The following CREBBP variants were observed in gnomAD, a reference collection of about 807,000 sequenced individuals.
The protein encoded by CREBBP is CREB-binding protein.
In CREBBP, 19 loss-of-function variants were observed where a neutral mutation model predicts 265.0. The ratio of observed to expected loss-of-function variants is 0.07; its 90% CI spans 0.05 to 0.11. The LOEUF (loss-of-function observed/expected upper bound fraction) is 0.11, where lower values mean the gene tolerates loss of function less well. Ranked by LOEUF, CREBBP falls within the 10% of genes least tolerant of loss-of-function variation. The pLI, the probability that CREBBP is intolerant of heterozygous loss-of-function variation, is 1.00. For synonymous variants in CREBBP, 1,457 were observed against 1,223.7 expected (o/e 1.19, Z -3.98); for missense variants, 2,525 against 3,219.0 (o/e 0.78, Z 5.22).
chr16:3,860,274 C>T (rs2055047170), intron 1 of CREBBP, among the ~76,000 whole-genome samples: 1 of 152,202 alleles, frequency 6.6e-6, no homozygotes, highest in African/African-American at 2.4e-5. Flanking sequence ...TCAAATGCTT[C>T]TATTAAATCT....
intron 2 of CREBBP, among the ~76,000 whole-genome samples, chr16:3,843,331 A>G (rs901371479): frequency 6.6e-6 from 1 of 152,246 alleles, no homozygotes; most frequent in East Asian, 1.9e-4. Flanking sequence ...GCAAATTTAG[A>G]CTTTACTAAA....
chr16:3,823,476 C>G (rs1238057869), intron 2 of CREBBP, among the ~76,000 whole-genome samples: 3 of 152,122 alleles, frequency 2.0e-5, no homozygotes, highest in Non-Finnish European at 4.4e-5. Context: ...GAAGACATTT[C>G]AAGGAGCCTC....
intron 3 of CREBBP, among the ~76,000 whole-genome samples, chr16:3,808,505 C>G (rs1321682312): frequency 6.6e-6 from 1 of 152,244 alleles, no homozygotes; most frequent in Non-Finnish European, 1.5e-5. Flanking sequence ...GACCAAACGG[C>G]TCCAGCCCTG....
chr16:3,752,099 C>T (rs2052487394), intron 19 of CREBBP, among the ~76,000 whole-genome samples: 1 of 152,166 alleles, frequency 6.6e-6, no homozygotes, highest in African/African-American at 2.4e-5. Flanking sequence ...GGTCTCATTG[C>T]ACACATCACA....
At position 3,814,164 on chromosome 16, in the gene CREBBP, AGTGT is replaced by A. The variant is rs35866243; in HGVS notation, c.799-3389_799-3386del. On this transcript the variant is annotated intron_variant, in intron 2 of 30. Transcript: ENST00000262367. ...CTTTTCTAACTGGTCAATGTTGTTT[AGTGT>A]GTGTGTGTGTGTGTGTGTGTGTGTG... 7.6e-3 allele frequency among the ~76,000 whole-genome samples: 913 copies of A among 119,724 alleles called. 3 individuals carry two copies. The highest frequency in any genetic ancestry group is 0.026 in the South Asian group (96 of 3,736). The allele number at this position is 119,724 out of a possible 152,430, so 78.5% of individuals were successfully genotyped here.
At chr16:3,817,780 G>T (rs755602737) in intron 2 of CREBBP, among the ~76,000 whole-genome samples, 5 of 152,160 alleles carry the variant, frequency 3.3e-5, no homozygotes, top group Non-Finnish European at 7.4e-5. Context: ...AACTCCACTG[G>T]GGGGAGGCAA....
intron 1 of CREBBP, among the ~76,000 whole-genome samples, chr16:3,878,118 C>A (rs569638892): frequency 6.6e-6 from 1 of 152,206 alleles, no homozygotes; most frequent in Non-Finnish European, 1.5e-5. Flanking sequence ...ACAAAATCTA[C>A]AACAAATTCA....
intron 1 of CREBBP, among the ~76,000 whole-genome samples, chr16:3,851,723 G>A (rs903551782): frequency 6.6e-6 from 1 of 151,696 alleles, no homozygotes; most frequent in South Asian, 2.1e-4. Flanking sequence ...GCGCGGTGGC[G>A]GGCGCCTGTA....
At chr16:3,866,529 T>C (rs1230236998) in intron 1 of CREBBP, among the ~76,000 whole-genome samples, 1 of 152,190 alleles carries the variant, frequency 6.6e-6, no homozygotes, top group Non-Finnish European at 1.5e-5. Context: ...ACAGATTCTC[T>C]TAATCACAAA....
At chr16:3,869,728 G>A (rs1359492872) in intron 1 of CREBBP, among the ~76,000 whole-genome samples, 2 of 152,026 alleles carry the variant, frequency 1.3e-5, no homozygotes, top group African/African-American at 2.4e-5. Context: ...TCCCAATAAC[G>A]ACCACTGGAC....
intron 1 of CREBBP, among the ~76,000 whole-genome samples, chr16:3,856,405 T>C (rs2054965117): frequency 1.3e-5 from 2 of 152,336 alleles, no homozygotes; most frequent in South Asian, 4.1e-4. Context: ...GCTTCCGCCC[T>C]GCACCAAAAC....
chr16:3,775,107 C>T (rs79770485), intron 11 of CREBBP, among the ~76,000 whole-genome samples: 613 of 152,238 alleles, frequency 4.0e-3, no homozygotes, highest in Admixed American at 7.0e-3. Context: ...TTCCAGAGAC[C>T]AGGGCAAGCT....
chr16:3,748,752 T>C (rs1243347104), intron 21 of CREBBP, among the ~76,000 whole-genome samples: 1 of 152,172 alleles, frequency 6.6e-6, no homozygotes, highest in East Asian at 1.9e-4. Context: ...ATTGGGGACC[T>C]GGGAAGAGGC....
intron 16 of CREBBP, among the ~76,000 whole-genome samples, chr16:3,762,251 C>T (rs1202315749): frequency 6.6e-6 from 1 of 152,102 alleles, no homozygotes; most frequent in Non-Finnish European, 1.5e-5. Flanking sequence ...GTCACCGCCC[C>T]AGTGGTAATC....
intron 26 of CREBBP, 70 bp downstream of exon 26, chr16:3,738,489 T>A: frequency 1.1e-6 from 1 of 935,820 alleles, no homozygotes; most frequent in East Asian, 2.5e-5. Flanking sequence ...TACCCATTAT[T>A]TCACGGAATA....
chr16:3,853,985 AAAAAG>A (rs1471518004), intron 1 of CREBBP, among the ~76,000 whole-genome samples: 5 of 148,542 alleles, frequency 3.4e-5, no homozygotes, highest in Admixed American at 3.3e-4. Flanking sequence ...CACACACACG[AAAAAG>A]AAAAGAAAAT....
chr16:3,746,386 G>A (rs1218126903), intron 21 of CREBBP, among the ~76,000 whole-genome samples: 2 of 151,576 alleles, frequency 1.3e-5, no homozygotes, highest in African/African-American at 2.4e-5. Context: ...GGCGGCACCC[G>A]TTCATGGTCC....
At chr16:3,855,518 G>A (rs1597063991) in intron 1 of CREBBP, among the ~76,000 whole-genome samples, 1 of 152,186 alleles carries the variant, frequency 6.6e-6, no homozygotes, top group African/African-American at 2.4e-5. Context: ...GCCCGCCTAA[G>A]CCTCCCAAAG....
intron 2 of CREBBP, among the ~76,000 whole-genome samples, chr16:3,831,968 G>A (rs1049434553): frequency 6.6e-6 from 1 of 151,618 alleles, no homozygotes; most frequent in African/African-American, 2.4e-5. Context: ...CTGTACTCCA[G>A]CCTGGGCAAC....
Sources: gnomAD v4.1 joint callset for allele counts (sites outside exome capture counted in the v4.1 genomes callset) on GRCh38, gnomAD v4.1.1 for gene constraint, MANE v1.5 for transcripts, NCBI Gene and HGNC (gene_info 2026-07-23, HGNC 2026-07-21) for gene names.